MGST1: variants seen among roughly 807,000 people sequenced by gnomAD.
MGST1 encodes microsomal glutathione S-transferase 1.
In MGST1, 5 loss-of-function variants were observed where a neutral mutation model predicts 8.9. The ratio of observed to expected loss-of-function variants is 0.56; its 90% CI spans 0.29 to 1.19. MGST1 has a LOEUF of 1.19. Among genes scored for constraint, MGST1 ranks in the 50% most tolerant of loss-of-function variants. MGST1 has a pLI of 0.08. For synonymous variants in MGST1, 54 were observed against 67.8 expected, an observed-to-expected ratio of 0.80 and a Z score of 1.00; for missense variants, 182 against 187.4, an observed-to-expected ratio of 0.97 and a Z score of 0.17.
intron 4 of MGST1, among the ~76,000 whole-genome samples, chr12:16,552,119 T>C (rs1304400475): frequency 6.6e-6 from 1 of 152,080 alleles, no homozygotes; most frequent in Admixed American, 6.5e-5. Flanking sequence ...TTAATAAGTG[T>C]TCTTTCTGTA....
At chr12:16,449,244 A>G (rs1441981014) in intron 4 of MGST1, among the ~76,000 whole-genome samples, 1 of 151,914 alleles carries the variant, frequency 6.6e-6, no homozygotes, top group East Asian at 1.9e-4. Context: ...GGCAGAAGGT[A>G]AACGGGAGGT....
intron 4 of MGST1, among the ~76,000 whole-genome samples, chr12:16,467,059 T>TA (rs914266945): frequency 6.6e-6 from 1 of 152,092 alleles, no homozygotes; most frequent in African/African-American, 2.4e-5. Context: ...TTCTTTTATT[T>TA]AAAAAAAAAT....
intron 1 of MGST1, among the ~76,000 whole-genome samples, chr12:16,427,643 A>T (rs774645485): frequency 6.6e-6 from 1 of 152,158 alleles, no homozygotes. Flanking sequence ...TGGCATCCCA[A>T]AGTGCTGGGA....
chr12:16,496,220 T>C (rs1283499425), intron 4 of MGST1, among the ~76,000 whole-genome samples: 1 of 152,050 alleles, frequency 6.6e-6, no homozygotes, highest in Non-Finnish European at 1.5e-5. Context: ...TAGTGTTATT[T>C]CTGGTGGCAG....
chr12:16,519,679 T>A (rs1591750521), intron 4 of MGST1, among the ~76,000 whole-genome samples: 2 of 152,286 alleles, frequency 1.3e-5, no homozygotes, highest in Admixed American at 1.3e-4. Context: ...TACAACTCTG[T>A]CTTCATAACT....
At chr12:16,443,770 A>T (rs1365849379) in intron 4 of MGST1, among the ~76,000 whole-genome samples, 1 of 151,840 alleles carries the variant, frequency 6.6e-6, no homozygotes, top group South Asian at 2.1e-4. Context: ...ATTCCAGGGT[A>T]CTTTATTTCT....
intron 1 of MGST1, among the ~76,000 whole-genome samples, chr12:16,425,427 T>A (rs1030025269): frequency 6.6e-6 from 1 of 152,050 alleles, no homozygotes. Flanking sequence ...AGATTACAGA[T>A]GTGAGCCACC....
chr12:16,390,468 GC>G (rs1440084677), intron 1 of MGST1, among the ~76,000 whole-genome samples: 2 of 151,954 alleles, frequency 1.3e-5, no homozygotes, highest in Non-Finnish European at 2.9e-5. Context: ...CCTCAAGTAG[GC>G]CCCAGTGTCT....
chr12:16,547,298 CAG>C lies in MGST1; in HGVS notation n.483-42227_483-42226del, dbSNP rs1206644516. On this transcript the variant is annotated intron_variant and non_coding_transcript_variant, in intron 4 of 4. Coordinates refer to the MGST1 transcript ENST00000538857. The surrounding 1 kb of genome is among the most constrained non-coding windows in gnomAD (Gnocchi z 4.6). ...GCTTCATTTATAACCGCTATTTCAA[CAG>C]AGCTCTATTGTAATCATAGCAATCT... Among the ~76,000 whole-genome samples the C allele has an allele frequency of 1.3e-5, 2 of 152,140 alleles. No homozygotes were observed. The highest frequency in any genetic ancestry group is 2.9e-5 in the Non-Finnish European group (2 of 68,030).
intron 1 of MGST1, among the ~76,000 whole-genome samples, chr12:16,403,197 T>G (rs1362098620): frequency 6.6e-6 from 1 of 152,186 alleles, no homozygotes; most frequent in Admixed American, 6.5e-5. Context: ...ATCCTGCATA[T>G]TAAAGTTTTA....
At chr12:16,397,560 G>A (rs1940615420) in intron 1 of MGST1, among the ~76,000 whole-genome samples, 1 of 151,144 alleles carries the variant, frequency 6.6e-6, no homozygotes, top group Non-Finnish European at 1.5e-5. Context: ...AGACTACAAG[G>A]AACTCAAACA....
intron 4 of MGST1, among the ~76,000 whole-genome samples, chr12:16,451,423 AT>A (rs1941128290): frequency 6.6e-6 from 1 of 151,918 alleles, no homozygotes; most frequent in Admixed American, 6.6e-5. Context: ...CTTTTTATGC[AT>A]TACATATTTC....
chr12:16,354,981 C>T (rs1315035173), intron 2 of MGST1, among the ~76,000 whole-genome samples: 1 of 151,488 alleles, frequency 6.6e-6, no homozygotes, highest in East Asian at 1.9e-4. Context: ...GATTCTGAAG[C>T]ACATATTATG....
At chr12:16,562,319 G>C (rs981207654) in intron 4 of MGST1, among the ~76,000 whole-genome samples, 1 of 152,084 alleles carries the variant, frequency 6.6e-6, no homozygotes, top group African/African-American at 2.4e-5. Context: ...TGAGAAATAA[G>C]AAAAACTTAA....
In MGST1 at chr12:16,547,672, C is replaced by G. The variant is rs1230485833; in HGVS notation, n.483-41856C>G. On this transcript the variant is annotated intron_variant and non_coding_transcript_variant, in intron 4 of 4. Coordinates refer to the MGST1 transcript ENST00000538857. This position sits in a 1 kb window ranked among gnomAD's most constrained non-coding sequence, Gnocchi z 4.6. Reference sequence around the variant, plus strand: ...CTAATGACTATTAAATCTCTGCTTTCTATTACCTTAAATTACATTAAAACC... The same window carrying G: ...CTAATGACTATTAAATCTCTGCTTTGTATTACCTTAAATTACATTAAAACC... Among the ~76,000 whole-genome samples, 2 of 152,070 alleles carry G rather than the reference C, an allele frequency of 1.3e-5. No individual in the cohort carries two copies. The highest frequency in any genetic ancestry group is 2.9e-5 in the Non-Finnish European group (2 of 67,988).
Position 16,472,787 on chromosome 12 carries a change from G to T in MGST1, n.482+89183G>T, listed in dbSNP as rs148757152. On this transcript the variant is annotated intron_variant and non_coding_transcript_variant, in intron 4 of 4. Transcript: ENST00000538857. ...CTTAAATAGGTAAGCAGTTGAAAATGATTTATTTCAATTGGCGTTGTACTG... is the reference window on the plus strand; with the variant it reads ...CTTAAATAGGTAAGCAGTTGAAAATTATTTATTTCAATTGGCGTTGTACTG... Among the ~76,000 whole-genome samples, 565 of 152,266 alleles carry T rather than the reference G, an allele frequency of 3.7e-3. 3 individuals carry two copies. The highest frequency in any genetic ancestry group is 0.013 in the African/African-American group (529 of 41,550).
rs1943200894 is a variant in MGST1 at position 16,582,800 on chromosome 12, C to T, written n.483-6728C>T. ...CGGTGGCCCATGCCTGTAATCCCAG[C>T]ACTTTGGGAGGCCAAATTGAGTGGA... On this transcript the variant is annotated intron_variant and non_coding_transcript_variant, in intron 4 of 4. Coordinates refer to the MGST1 transcript ENST00000538857. The surrounding 1 kb of genome is among the most constrained non-coding windows in gnomAD (Gnocchi z 4.1). Among the ~76,000 whole-genome samples the T allele has an allele frequency of 6.6e-6, 1 of 152,294 alleles. No individual in the cohort carries two copies. Among genetic ancestry groups the T allele is most frequent in the Admixed American group, 6.5e-5 (1 of 15,302 alleles).
chr12:16,571,401 C>A (rs554969236), intron 4 of MGST1, among the ~76,000 whole-genome samples: 1 of 152,110 alleles, frequency 6.6e-6, no homozygotes, highest in African/African-American at 2.4e-5. Flanking sequence ...CCATTTATCT[C>A]ATTAGTATAA....
intron 4 of MGST1, among the ~76,000 whole-genome samples, chr12:16,476,729 G>A (rs1240960368): frequency 6.6e-6 from 1 of 152,080 alleles, no homozygotes; most frequent in East Asian, 1.9e-4. Flanking sequence ...AGATCACAGG[G>A]ATAAAGAGCA....
Sources: allele counts gnomAD v4.1 joint callset (sites outside exome capture counted in the v4.1 genomes callset), GRCh38; gene constraint gnomAD v4.1.1; non-coding constraint Gnocchi (gnomAD v3.1); transcripts MANE v1.5; gene names NCBI Gene and HGNC (gene_info 2026-07-23, HGNC 2026-07-21).